The following CCER2 variants were observed in gnomAD, a reference collection of about 807,000 sequenced individuals.
The protein encoded by CCER2 is coiled-coil glutamate rich protein 2, also known as coiled-coil domain-containing glutamate-rich protein 2.
A neutral mutation model predicts 27.1 loss-of-function variants in CCER2; 20 were observed. The observed-to-expected ratio is 0.74, with a 90% confidence interval of 0.52 to 1.07. The LOEUF is 1.07. CCER2 is among the 50% of genes least tolerant of loss of function. The pLI is 0.00. For synonymous variants in CCER2, 140 were observed against 144.3 expected (o/e 0.97, Z 0.21); for missense variants, 351 against 344.7 (o/e 1.02, Z -0.14).
At position 38,910,857 on chromosome 19, in the gene CCER2, CTCCTCCTCCTCG is replaced by C; in HGVS notation, c.405_416del (p.Asp135_Glu138del). The stretch of plus-strand genomic sequence containing the variant: ...TGGGCCCCCTCTTCCTCTCCTCCTT[CTCCTCCTCCTCG>C]TCCTCCTCCTGGTGGAGCTGGCGAT... On this transcript the variant is annotated inframe_deletion, in exon 4 of 5. Coordinates refer to ENST00000571838, the MANE Select transcript of CCER2 (RefSeq NM_001243212.2). 6.6e-7 allele frequency: 1 copy of C among 1,518,762 alleles called. No homozygotes were observed. Among genetic ancestry groups the C allele is most frequent in the Non-Finnish European group, 8.8e-7 (1 of 1,137,856 alleles). 94.1% of individuals were successfully genotyped at this position (1,518,762 alleles called of 1,614,324 possible).
At chr19:38,911,175 G>C in intron 3 of CCER2, 92 bp from the exon 4 acceptor site, 1 of 1,303,148 alleles carries the variant, frequency 7.7e-7, no homozygotes, top group Non-Finnish European at 1.0e-6. Context: ...AGCACTTTGG[G>C]AGGCCGTGGC....
Position 38,911,042 on chromosome 19 carries a change from C to T in CCER2, c.232G>A (p.Glu78Lys), listed in dbSNP as rs1411962619. The change falls in exon 4 of 5, where the codon GAG becomes AAG. Residue 78 changes from glutamate (E) to lysine (K), a missense_variant. By Grantham distance (56) the Glu-to-Lys change is moderately conservative. Transcript: ENST00000571838. ...TEPHGCASTE[E>K]KGLLLGDFKK... ...AAATCCCCAAGCAGCAGGCCTTTCT[C>T]CTCGGTGGACGCACAGCCGTGGGGC... 3.4e-6 allele frequency: 5 copies of T among 1,467,540 alleles called. No individual in the cohort carries two copies. The highest frequency in any genetic ancestry group is 4.5e-6 in the Non-Finnish European group (5 of 1,116,658). The allele number at this position is 1,467,540 out of a possible 1,614,324, so 90.9% of individuals were successfully genotyped here.
Position 38,911,594 on chromosome 19 carries a change from T to C in CCER2, c.162A>G (p.Arg54=), listed in dbSNP as rs553222892. The stretch of plus-strand genomic sequence containing the variant: ...TGTGGAGAAGAGCAGTGCAGGGTCC[T>C]CTCTGGACCTGGCCCACGGTCAGCA... ...TEVLTVGQVQ[R]GPCTALLHKE... Residue 54 remains arginine, a synonymous_variant, in exon 3 of 5, where the codon AGA becomes AGG. Coordinates refer to ENST00000571838, the MANE Select transcript of CCER2 (RefSeq NM_001243212.2). 2.9e-4 allele frequency: 441 copies of C among 1,535,414 alleles called. No homozygotes were observed. Among genetic ancestry groups the C allele is most frequent in the Non-Finnish European group, 3.7e-4 (426 of 1,146,712 alleles).
chr19:38,911,700 A>G, intron 2 of CCER2, 47 bp from the exon 3 acceptor site: 1 of 1,526,886 alleles, frequency 6.5e-7, no homozygotes, highest in Non-Finnish European at 8.8e-7. Flanking sequence ...AGGGCAGGGG[A>G]GATGGGGAGG....
chr19:38,909,459 GGT>G (rs1489992235), intron 4 of CCER2, 134 bp from the exon 5 acceptor site: 2 of 809,832 alleles, frequency 2.5e-6, no homozygotes, highest in East Asian at 5.4e-5. Context: ...GGACCGCGAT[GGT>G]GACCATGCTG....
chr19:38,910,362 C>T (rs990329619), intron 4 of CCER2, among the ~76,000 whole-genome samples: 1 of 152,190 alleles, frequency 6.6e-6, no homozygotes, highest in Non-Finnish European at 1.5e-5. Context: ...GTAGTCCATA[C>T]AGTAGTGTGG....
chr19:38,909,315 A>G lies in CCER2; in HGVS notation c.722T>C (p.Val241Ala), dbSNP rs1283722869. Residue 241 changes from valine to alanine, a missense_variant, in exon 5 of 5, where the codon GTG (valine) becomes GCG (alanine). Coordinates refer to ENST00000571838, the MANE Select transcript of CCER2 (RefSeq NM_001243212.2). ...EEASEREEKE[V>A]EQLEHLRDEL... ...GTCTCTCAAGTGCTCCAGCTGCTCC[A>G]CCTCCTTTTCCTGGTGGGGTCAGAA... The G allele has an allele frequency of 2.0e-6, 3 of 1,534,842 alleles. No individual in the cohort carries two copies. In the African/African-American group the frequency reaches 4.1e-5, roughly 21 times the overall value.
chr19:38,909,406 G>A lies in CCER2; in HGVS notation c.712-81C>T, dbSNP rs567427763. The A allele has an allele frequency of 4.7e-5, 60 of 1,281,084 alleles. No homozygotes were observed. The South Asian group carries it at 6.9e-4, about 15-fold the overall frequency. 79.4% of individuals were successfully genotyped at this position (1,281,084 alleles called of 1,614,324 possible). A position where few individuals can be genotyped will look rare whatever the true frequency, so the allele number is the denominator to read the frequency against. ...GGTCACTGTGATTGTGGGCCATGTC[G>A]GTTCTCATAGTGGCATCCAGCAGCG... is the stretch of plus-strand genomic sequence containing the variant. On this transcript the variant is annotated intron_variant, in intron 4 of 4. Coordinates refer to ENST00000571838, the MANE Select transcript of CCER2 (RefSeq NM_001243212.2).
chr19:38,911,045 C>G lies in CCER2; in HGVS notation c.229G>C (p.Glu77Gln). ...TCCCCAAGCAGCAGGCCTTTCTCCT[C>G]GGTGGACGCACAGCCGTGGGGCTCT... The part of the protein sequence containing the change: ...GTEPHGCAST[E>Q]EKGLLLGDFK... The change falls in exon 4 of 5, where the codon GAG becomes CAG. Residue 77 changes from glutamate (E) to glutamine (Q), a missense_variant. By Grantham distance (29) the Glu-to-Gln change is conservative (BLOSUM62 2). Coordinates refer to ENST00000571838, the MANE Select transcript of CCER2 (RefSeq NM_001243212.2). The G allele has an allele frequency of 6.8e-7, 1 of 1,466,360 alleles. No homozygotes were observed. Among genetic ancestry groups the G allele is most frequent in the Admixed American group, 2.6e-5 (1 of 39,116 alleles). 90.8% of individuals were successfully genotyped at this position (1,466,360 alleles called of 1,614,324 possible).
chr19:38,911,265 G>T lies in CCER2; in HGVS notation c.191-182C>A, dbSNP rs571145296. Among the ~76,000 whole-genome samples, 8 of 152,366 alleles carry T rather than the reference G, an allele frequency of 5.3e-5. No individual in the cohort carries two copies. In the South Asian group the frequency reaches 1.7e-3, roughly 32 times the overall value. ...TCTGGGCCCTGCCGAAGGTCTCACA[G>T]GGGGGCTGCCCAGACTACAGGGGGA... is the stretch of plus-strand genomic sequence containing the variant. On this transcript the variant is annotated intron_variant, in intron 3 of 4. Coordinates refer to ENST00000571838, the MANE Select transcript of CCER2 (RefSeq NM_001243212.2).
rs1017802702 is a variant in CCER2 at position 38,909,047 on chromosome 19, C to G, written c.*189G>C. 3.2e-6 allele frequency: 3 copies of G among 948,534 alleles called. No homozygotes were observed. In the Admixed American group the frequency reaches 8.5e-5, roughly 27 times the overall value. 58.8% of individuals were successfully genotyped at this position (948,534 alleles called of 1,614,324 possible). A position where few individuals can be genotyped will look rare whatever the true frequency, so the allele number is the denominator to read the frequency against. ...GAGTGCATAGGTGTGGGGGTGCTTC[C>G]TGTGTCAGGGCTGAGCCCAGCCCCC... is the stretch of plus-strand genomic sequence containing the variant. On this transcript the variant is annotated 3_prime_UTR_variant, in exon 5 of 5. Transcript: ENST00000571838.
chr19:38,909,230 T>A lies in CCER2; in HGVS notation c.*6A>T. ...TGTCAGGAGGAAGGAGGGACTGAGG[T>A]AGGGGTCAGCCCTCCCTCCTGAGCT... is the stretch of plus-strand genomic sequence containing the variant. On this transcript the variant is annotated 3_prime_UTR_variant, in exon 5 of 5. Transcript: ENST00000571838. 1 of 1,534,186 alleles carries A rather than the reference T, an allele frequency of 6.5e-7. No individual in the cohort carries two copies. Among genetic ancestry groups the A allele is most frequent in the East Asian group, 2.4e-5 (1 of 40,896 alleles).
intron 4 of CCER2, among the ~76,000 whole-genome samples, 151 bp from the exon 5 acceptor site, chr19:38,909,476 C>T (rs189209347): frequency 6.6e-6 from 1 of 152,310 alleles, no homozygotes; most frequent in East Asian, 1.9e-4. Context: ...ATGCTGATTG[C>T]CATAACCCCG....
chr19:38,909,075 C>T lies in CCER2; in HGVS notation c.*161G>A, dbSNP rs969879661. On this transcript the variant is annotated 3_prime_UTR_variant, in exon 5 of 5. Coordinates refer to ENST00000571838, the MANE Select transcript of CCER2 (RefSeq NM_001243212.2). The stretch of plus-strand genomic sequence containing the variant: ...TGTCAGGGCTGAGCCCAGCCCCCGG[C>T]CCAGCTCAGACTCACCTCCTTGGGT... 4.2e-6 allele frequency: 4 copies of T among 958,186 alleles called. No individual in the cohort carries two copies. The highest frequency in any genetic ancestry group is 6.1e-6 in the Non-Finnish European group (4 of 656,074). 59.4% of individuals were successfully genotyped at this position (958,186 alleles called of 1,614,324 possible).
intron 1 of CCER2, 49 bp downstream of exon 1, chr19:38,912,049 C>T (rs1236959990): frequency 3.8e-5 from 58 of 1,516,436 alleles, no homozygotes; most frequent in Non-Finnish European, 4.7e-5. Flanking sequence ...CTGGAGTCCC[C>T]GCTCCCCGGC....
In CCER2 at chr19:38,910,629, G is replaced by A; in HGVS notation, c.645C>T (p.His215=). The A allele has an allele frequency of 6.5e-7, 1 of 1,526,720 alleles. No individual in the cohort carries two copies. The highest frequency in any genetic ancestry group is 8.8e-7 in the Non-Finnish European group (1 of 1,141,398). 94.6% of individuals were successfully genotyped at this position (1,526,720 alleles called of 1,614,324 possible). The part of the protein sequence containing the change: ...GGERREDLPH[H]HHHHHQPEAE... ...CCTCTGGCTGGTGGTGGTGGTGGTG[G>A]TGGTGGGGCAAGTCCTCGCGCCTCT... The change falls in exon 4 of 5, where the codon CAC becomes CAT. Residue 215 remains histidine, a synonymous_variant. Coordinates refer to ENST00000571838, the MANE Select transcript of CCER2 (RefSeq NM_001243212.2).
In CCER2 at chr19:38,909,176, CG is replaced by C. The variant is rs1974249284; in HGVS notation, c.*59del. The C allele has an allele frequency of 6.7e-7, 1 of 1,484,974 alleles. No individual in the cohort carries two copies. 92.0% of individuals were successfully genotyped at this position (1,484,974 alleles called of 1,614,324 possible). ...GGGGTGCTAGGTGAGGTGGAGGCTT[CG>C]GGGTCAACAGTCCTAAGCCACAGGG... On this transcript the variant is annotated 3_prime_UTR_variant, in exon 5 of 5. Coordinates refer to ENST00000571838, the MANE Select transcript of CCER2 (RefSeq NM_001243212.2).
At position 38,908,983 on chromosome 19, in the gene CCER2, G is replaced by A. The variant is rs1289644761; in HGVS notation, c.*253C>T. On this transcript the variant is annotated 3_prime_UTR_variant, in exon 5 of 5. Coordinates refer to ENST00000571838, the MANE Select transcript of CCER2 (RefSeq NM_001243212.2). ...AGTGCTGCTCACGGAGGCAGGGTGC[G>A]TTTCTTTGTGCTTTATTCACTCAGA... The A allele has an allele frequency of 1.2e-5, 14 of 1,217,022 alleles. No homozygotes were observed. The highest frequency in any genetic ancestry group is 5.4e-5 in the Admixed American group (2 of 36,984). The allele number at this position is 1,217,022 out of a possible 1,614,324, so 75.4% of individuals were successfully genotyped here.
rs1179593108 is a variant in CCER2, at chr19:38,909,234, G to T, written c.*2C>A. The T allele has an allele frequency of 2.0e-6, 3 of 1,535,164 alleles. No individual in the cohort carries two copies. The highest frequency in any genetic ancestry group is 1.4e-5 in the African/African-American group (1 of 73,114). ...AGGAGGAAGGAGGGACTGAGGTAGG[G>T]GTCAGCCCTCCCTCCTGAGCTGCTC... is the stretch of plus-strand genomic sequence containing the variant. On this transcript the variant is annotated 3_prime_UTR_variant, in exon 5 of 5. Coordinates refer to ENST00000571838, the MANE Select transcript of CCER2 (RefSeq NM_001243212.2).
Sources: gnomAD v4.1 joint callset for allele counts (sites outside exome capture counted in the v4.1 genomes callset) on GRCh38, gnomAD v4.1.1 for gene constraint, MANE v1.5 for transcripts, NCBI Gene and HGNC (gene_info 2026-07-23, HGNC 2026-07-21) for gene names.